ATP8A2: variants seen among roughly 807,000 people sequenced by gnomAD.
The protein encoded by ATP8A2 is phospholipid-transporting ATPase IB.
A neutral mutation model predicts 165.6 loss-of-function variants in ATP8A2; 100 were observed. The observed-to-expected ratio is 0.60, with a 90% CI of 0.51 to 0.71. The LOEUF is 0.71. Ranked by LOEUF, ATP8A2 falls within the 30% of genes least tolerant of loss-of-function variation. ATP8A2 has a pLI of 0.00. For synonymous variants in ATP8A2, 543 were observed against 548.8 expected, an observed-to-expected ratio of 0.99 and a Z score of 0.15; for missense variants, 1,227 against 1,479.5, an observed-to-expected ratio of 0.83 and a Z score of 2.80.
At chr13:25,459,442 C>T (rs1424717445) in intron 1 of ATP8A2, among the ~76,000 whole-genome samples, 1 of 152,222 alleles carries the variant, frequency 6.6e-6, no homozygotes, top group Non-Finnish European at 1.5e-5. Context: ...CTTCTGCATC[C>T]TATTTCCTGG....
chr13:25,817,361 GGAA>G (rs945610948), intron 27 of ATP8A2, among the ~76,000 whole-genome samples: 9 of 122,378 alleles, frequency 7.4e-5, no homozygotes, highest in African/African-American at 2.4e-4. Context: ...GGGGGGGGGG[GGAA>G]ACACGATTTT....
intron 33 of ATP8A2, among the ~76,000 whole-genome samples, chr13:25,898,051 T>C (rs145787388): frequency 2.4e-3 from 372 of 152,360 alleles, no homozygotes; most frequent in African/African-American, 8.3e-3. Context: ...AGTCATTCTC[T>C]GTCCAGTTTT....
chr13:25,754,282 C>T (rs2138210794), intron 25 of ATP8A2, among the ~76,000 whole-genome samples: 1 of 152,240 alleles, frequency 6.6e-6, no homozygotes, highest in East Asian at 1.9e-4. Flanking sequence ...CTGGCCCTGG[C>T]CCTGAACAGA....
At chr13:25,613,609 A>G (rs1307329647) in intron 24 of ATP8A2, among the ~76,000 whole-genome samples, 3 of 152,228 alleles carry the variant, frequency 2.0e-5, no homozygotes, top group East Asian at 1.9e-4. Context: ...AACACAAAAA[A>G]AGAAGTTCTT....
intron 33 of ATP8A2, among the ~76,000 whole-genome samples, chr13:25,923,836 T>C (rs1048338496): frequency 6.6e-6 from 1 of 152,196 alleles, no homozygotes; most frequent in African/African-American, 2.4e-5. Flanking sequence ...TCTGGCTTTG[T>C]TTTTCTAAGA....
intron 24 of ATP8A2, among the ~76,000 whole-genome samples, chr13:25,599,146 T>C (rs536760564): frequency 6.6e-6 from 1 of 152,342 alleles, no homozygotes; most frequent in South Asian, 2.1e-4. Flanking sequence ...CATGTCCCTG[T>C]ACATGTGCAT....
intron 23 of ATP8A2, among the ~76,000 whole-genome samples, chr13:25,587,297 C>T (rs2039949553): frequency 6.6e-6 from 1 of 152,174 alleles, no homozygotes; most frequent in African/African-American, 2.4e-5. Context: ...ATTCTCTAAA[C>T]AAAATCTCAC....
rs1335405896 is a variant in ATP8A2 at position 25,837,426 on chromosome 13, CACA to C, written c.2877+142_2877+144del. 5.5e-3 allele frequency: 61 copies of C among 11,106 alleles called. 1 individual carries two copies. In the South Asian group the frequency reaches 0.11, roughly 20 times the overall value. The allele number at this position is 11,106 out of a possible 1,614,324, so 0.7% of individuals were successfully genotyped here. Reference sequence around the variant, plus strand: ...ACATGATCCACTCACCCCACCACCACACACACACACACACACACACACACACAC... The same window carrying C: ...ACATGATCCACTCACCCCACCACCACCACACACACACACACACACACACAC... On this transcript the variant is annotated intron_variant, in intron 29 of 36. Coordinates refer to ENST00000381655, the MANE Select transcript of ATP8A2 (RefSeq NM_016529.6).
rs578127839 is a variant in ATP8A2, at chr13:25,644,893, G to T, written c.2212-54280G>T. The stretch of plus-strand genomic sequence containing the variant: ...CCTTTGGATTTCCGTGCTGTCAGTT[G>T]TAATATTGCCTCTTTCATTGCTGAT... On this transcript the variant is annotated intron_variant, in intron 24 of 36. Coordinates refer to ENST00000381655, the MANE Select transcript of ATP8A2 (RefSeq NM_016529.6). Among the ~76,000 whole-genome samples, 500 of 152,138 alleles carry T rather than the reference G, an allele frequency of 3.3e-3. 4 individuals carry two copies. The highest frequency in any genetic ancestry group is 0.012 in the African/African-American group (481 of 41,494).
intron 25 of ATP8A2, among the ~76,000 whole-genome samples, chr13:25,730,118 C>A (rs2043587015): frequency 6.6e-6 from 1 of 152,022 alleles, no homozygotes; most frequent in Admixed American, 6.6e-5. Context: ...GGTGTAACCC[C>A]ATCTCTACAA....
chr13:25,565,259 T>C lies in ATP8A2; in HGVS notation c.1473+1228T>C, dbSNP rs190282540. Among the ~76,000 whole-genome samples the C allele has an allele frequency of 1.3e-4, 20 of 152,344 alleles. No individual in the cohort carries two copies. In the East Asian group the frequency reaches 3.9e-3, roughly 29 times the overall value. ...GGTAGATACCTAGTAGTGGGATTGC[T>C]GGATCAAATGGTAGTTCTACTTTTA... On this transcript the variant is annotated intron_variant, in intron 16 of 36. Coordinates refer to ENST00000381655, the MANE Select transcript of ATP8A2 (RefSeq NM_016529.6).
chr13:25,598,787 ATTT>A (rs528879306), intron 24 of ATP8A2, among the ~76,000 whole-genome samples: 2 of 151,586 alleles, frequency 1.3e-5, no homozygotes, highest in East Asian at 3.9e-4. Flanking sequence ...ATGTCTAGTA[ATTT>A]TTTTTATTGT....
intron 1 of ATP8A2, among the ~76,000 whole-genome samples, chr13:25,462,552 TC>T (rs1277854571): frequency 5.9e-5 from 9 of 152,258 alleles, no homozygotes; most frequent in African/African-American, 2.2e-4. Context: ...CCTGGGAGGC[TC>T]CCCTGAGTTT....
chr13:25,538,410 A>G (rs1437239284), intron 7 of ATP8A2, among the ~76,000 whole-genome samples: 5 of 152,160 alleles, frequency 3.3e-5, no homozygotes, highest in Admixed American at 2.6e-4. Context: ...CTGTTTCCTG[A>G]TGGGCCCTGC....
At chr13:25,410,908 C>T (rs749333726) in intron 1 of ATP8A2, among the ~76,000 whole-genome samples, 6 of 152,216 alleles carry the variant, frequency 3.9e-5, no homozygotes, top group Non-Finnish European at 7.3e-5. Context: ...ACTCCTTTAA[C>T]CATTTTCCTT....
intron 11 of ATP8A2, 109 bp downstream of exon 11, chr13:25,551,612 G>T: frequency 1.9e-6 from 2 of 1,035,240 alleles, no homozygotes; most frequent in Non-Finnish European, 2.8e-6. Flanking sequence ...GTTCCCTTTG[G>T]TTACTGTACA....
chr13:25,988,890 T>C (rs1014688145), intron 35 of ATP8A2, among the ~76,000 whole-genome samples: 1 of 152,192 alleles, frequency 6.6e-6, no homozygotes, highest in Non-Finnish European at 1.5e-5. Context: ...GAGGGAGTTA[T>C]TATATTCTCC....
chr13:25,609,979 G>T (rs1306265545), intron 24 of ATP8A2, among the ~76,000 whole-genome samples: 1 of 151,512 alleles, frequency 6.6e-6, no homozygotes, highest in African/African-American at 2.4e-5. Flanking sequence ...TTTTATTGCT[G>T]ATTTGTTTGA....
rs151078927 is a variant in ATP8A2 at position 25,581,976 on chromosome 13, A to C, written c.2146+19A>C. On this transcript the variant is annotated intron_variant, in intron 23 of 36. Transcript: ENST00000381655. The stretch of plus-strand genomic sequence containing the variant: ...AATATAGGTAATTATTTTTACAAAT[A>C]ATTTCCTGATGCTGGGTTTTGTATT... 1.4e-4 allele frequency: 221 copies of C among 1,592,056 alleles called. No homozygotes were observed. In the African/African-American group the frequency reaches 2.4e-3, roughly 18 times the overall value.
Sources: gnomAD v4.1 joint callset for allele counts (sites outside exome capture counted in the v4.1 genomes callset) on GRCh38, gnomAD v4.1.1 for gene constraint, MANE v1.5 for transcripts, NCBI Gene and HGNC (gene_info 2026-07-23, HGNC 2026-07-21) for gene names.